MCF2L: variants seen among roughly 807,000 people sequenced by gnomAD.
MCF2L encodes guanine nucleotide exchange factor DBS.
A neutral mutation model predicts 153.4 loss-of-function variants in MCF2L; 97 were observed. The observed-to-expected ratio is 0.63, with a 90% CI of 0.54 to 0.75. The LOEUF (loss-of-function observed/expected upper bound fraction) is 0.75, where lower values mean the gene tolerates loss of function less well. Ranked by LOEUF, MCF2L falls within the 30% of genes least tolerant of loss-of-function variation. The pLI, the probability that MCF2L is intolerant of heterozygous loss-of-function variation, is 0.00. For synonymous variants in MCF2L, 659 were observed against 632.2 expected, an observed-to-expected ratio of 1.04 and a Z score of -0.64; for missense variants, 1,347 against 1,495.2, an observed-to-expected ratio of 0.90 and a Z score of 1.64.
chr13:112,897,999 G>C (rs1010040403), intron 1 of MCF2L, among the ~76,000 whole-genome samples: 1 of 152,190 alleles, frequency 6.6e-6, no homozygotes, highest in Non-Finnish European at 1.5e-5. Flanking sequence ...CCCCGGCCCC[G>C]GCCCTGGGTC....
chr13:113,045,232 C>G lies in MCF2L; in HGVS notation c.279-39C>G. The stretch of plus-strand genomic sequence containing the variant: ...GATTTCGTGGGCAGCCGGCTTCCCA[C>G]CTGCACACATTAACGGCGGCGTCTC... On this transcript the variant is annotated intron_variant, in intron 3 of 29. Coordinates refer to ENST00000535094, the MANE Select transcript of MCF2L (RefSeq NM_001112732.3). The surrounding 1 kb of genome is among the most constrained non-coding windows in gnomAD (Gnocchi z 4.2). The G allele has an allele frequency of 6.6e-7, 1 of 1,522,238 alleles. No homozygotes were observed. The highest frequency in any genetic ancestry group is 9.1e-7 in the Non-Finnish European group (1 of 1,096,410). The allele number at this position is 1,522,238 out of a possible 1,614,324, so 94.3% of individuals were successfully genotyped here. A position where few individuals can be genotyped will look rare whatever the true frequency, so the allele number is the denominator to read the frequency against.
At chr13:112,978,737 G>A (rs1200708487) in intron 1 of MCF2L, among the ~76,000 whole-genome samples, 1 of 152,252 alleles carries the variant, frequency 6.6e-6, no homozygotes, top group East Asian at 1.9e-4. Context: ...GGCACATGTG[G>A]TGCTCCAGAC....
chr13:112,909,218 C>T, intron 2 of MCF2L: 1 of 779,740 alleles, frequency 1.3e-6, no homozygotes, highest in East Asian at 2.4e-5. Flanking sequence ...CAACCTCTCC[C>T]CAGATGTCTA....
At chr13:112,989,394 G>A (rs181855551) in intron 1 of MCF2L, among the ~76,000 whole-genome samples, 24 of 47,800 alleles carry the variant, frequency 5.0e-4, no homozygotes, top group South Asian at 2.6e-3. Flanking sequence ...AGGGGATGGA[G>A]CTACCACGCC....
chr13:113,047,504 A>G (rs1209606094), intron 4 of MCF2L, among the ~76,000 whole-genome samples: 3 of 152,230 alleles, frequency 2.0e-5, no homozygotes, highest in Non-Finnish European at 4.4e-5. Flanking sequence ...GGGTCCCACA[A>G]TGCTCCCAGC....
rs1165766456 is a variant in MCF2L, at chr13:113,031,922, TTACA to T, written c.278+7169_278+7172del. Among the ~76,000 whole-genome samples the T allele has an allele frequency of 2.0e-5, 3 of 151,854 alleles. No homozygotes were observed. The highest frequency in any genetic ancestry group is 4.8e-5 in the African/African-American group (2 of 41,360). On this transcript the variant is annotated intron_variant, in intron 3 of 29. Transcript: ENST00000535094. The surrounding 1 kb of genome is among the most constrained non-coding windows in gnomAD (Gnocchi z 5.5). Reference sequence around the variant, plus strand: ...CGCAGACACGCAGGCACTCATGCACTTACATACACAGATGTGCATGTGTATAACC... The same window carrying T: ...CGCAGACACGCAGGCACTCATGCACTTACACAGATGTGCATGTGTATAACC...
rs1185101338 is a variant in MCF2L at position 113,098,082 on chromosome 13, CATGTGTGTACAT to C, written c.*1230_*1241del. On this transcript the variant is annotated 3_prime_UTR_variant, in exon 30 of 30. Coordinates refer to ENST00000535094, the MANE Select transcript of MCF2L (RefSeq NM_001112732.3). Reference sequence around the variant, plus strand: ...GTTTTTGTATGTGTGCACCTCTGACCATGTGTGTACATATGTGTCTTGCTGGAAAGGACATAT... The same window carrying C: ...GTTTTTGTATGTGTGCACCTCTGACCATGTGTCTTGCTGGAAAGGACATAT... 1 of 152,432 alleles carries C rather than the reference CATGTGTGTACAT, an allele frequency of 6.6e-6. No individual in the cohort carries two copies. Among genetic ancestry groups the C allele is most frequent in the Non-Finnish European group, 1.5e-5 (1 of 68,052 alleles). The allele number at this position is 152,432 out of a possible 1,614,324, so 9.4% of individuals were successfully genotyped here.
At chr13:112,938,456 G>A (rs2081544715) in intron 2 of MCF2L, among the ~76,000 whole-genome samples, 1 of 152,168 alleles carries the variant, frequency 6.6e-6, no homozygotes, top group African/African-American at 2.4e-5. Flanking sequence ...CATAGGCCCA[G>A]TTGGGCACTC....
At chr13:112,939,868 G>A (rs1474411049) in intron 2 of MCF2L, among the ~76,000 whole-genome samples, 1 of 152,078 alleles carries the variant, frequency 6.6e-6, no homozygotes, top group Admixed American at 6.5e-5. Context: ...TACGTGGGAG[G>A]CTGAGGCAGG....
At chr13:113,010,398 C>T (rs1232128696) in intron 1 of MCF2L, 1 of 152,256 alleles carries the variant, frequency 6.6e-6, no homozygotes, top group Non-Finnish European at 1.5e-5. Context: ...ACATGGTCCC[C>T]CTCCCTGGAC....
chr13:113,002,025 T>G (rs1318104487), intron 1 of MCF2L: 1 of 1,513,156 alleles, frequency 6.6e-7, no homozygotes, highest in Non-Finnish European at 8.8e-7. Flanking sequence ...CCGGAAGGTG[T>G]TGTGGGGCGA....
At chr13:113,040,412 C>CTGTGTGTGTGTGTGTGTGTGTGTG (rs6145252) in intron 3 of MCF2L, 5,842 of 140,116 alleles carry the variant, frequency 0.042, 204 homozygotes, top group Middle Eastern at 0.074. Flanking sequence ...GAGGGCCTTC[C>CTGTGTGTGTGTGTGTGTGTGTGTG]TGTGTGTGTG....
chr13:113,078,809 G>A, intron 15 of MCF2L, 70 bp downstream of exon 15: 2 of 1,364,278 alleles, frequency 1.5e-6, no homozygotes, highest in Non-Finnish European at 2.0e-6. Flanking sequence ...ATGCCGTCAG[G>A]CACTCGAGCA....
rs1031372011 is a variant in MCF2L at position 112,923,415 on chromosome 13, C to T, written c.169+21044C>T. On this transcript the variant is annotated intron_variant, in intron 2 of 29. Transcript: ENST00000375608. The stretch of plus-strand genomic sequence containing the variant: ...AGTAGCTGGGACTACAGGCGCCCGC[C>T]ACCACGCCTGGCTAATTTTTTTGTA... Among the ~76,000 whole-genome samples, 3 of 151,872 alleles carry T rather than the reference C, an allele frequency of 2.0e-5. No homozygotes were observed. In the East Asian group the frequency reaches 5.8e-4, roughly 29 times the overall value.
intron 1 of MCF2L, chr13:113,001,586 T>C: frequency 1.2e-6 from 1 of 810,314 alleles, no homozygotes; most frequent in Non-Finnish European, 1.6e-6. Context: ...GTGGGGCCCC[T>C]GCAGGGAGGG....
Position 112,960,424 on chromosome 13 carries a change from T to C in MCF2L, c.170-54339T>C, listed in dbSNP as rs1483544731. ...GGGTGAGGTTTCCCACACACGACCTTTGGGGGACACATTAAACCCCAGCAG... is the reference window on the plus strand; with the variant it reads ...GGGTGAGGTTTCCCACACACGACCTCTGGGGGACACATTAAACCCCAGCAG... On this transcript the variant is annotated intron_variant, in intron 2 of 29. Transcript: ENST00000375608. The surrounding 1 kb of genome is among the most constrained non-coding windows in gnomAD (Gnocchi z 4.2). Among the ~76,000 whole-genome samples, 1 of 152,070 alleles carries C rather than the reference T, an allele frequency of 6.6e-6. No individual in the cohort carries two copies. The highest frequency in any genetic ancestry group is 1.5e-5 in the Non-Finnish European group (1 of 68,018).
chr13:113,087,754 G>A lies in MCF2L; in HGVS notation c.2643G>A (p.Lys881=). 1 of 1,614,148 alleles carries A rather than the reference G, an allele frequency of 6.2e-7. No homozygotes were observed. The highest frequency in any genetic ancestry group is 8.5e-7 in the Non-Finnish European group (1 of 1,180,046). Reference sequence around the variant, plus strand: ...AGAACGTGAAGGGAGATGCTAAGAAGTTCGAGATCTGGTACAACGCGCGCG... The same window carrying A: ...AGAACGTGAAGGGAGATGCTAAGAAATTCGAGATCTGGTACAACGCGCGCG... The part of the protein sequence containing the change: ...ITENVKGDAK[K]FEIWYNAREE... The change falls in exon 23 of 30, where the codon AAG becomes AAA. Residue 881 remains lysine, a synonymous_variant. Coordinates refer to ENST00000535094, the MANE Select transcript of MCF2L (RefSeq NM_001112732.3).
intron 24 of MCF2L, 51 bp downstream of exon 24, chr13:113,088,456 T>A (rs754645408): frequency 1.9e-6 from 3 of 1,608,452 alleles, no homozygotes; most frequent in Non-Finnish European, 2.6e-6. Flanking sequence ...TCCAGGTGCA[T>A]TTTTACCTAT....
Position 112,969,223 on chromosome 13 carries a change from A to G in MCF2L, c.-157A>G, listed in dbSNP as rs1594404715. 14 of 1,287,420 alleles carry G rather than the reference A, an allele frequency of 1.1e-5. No homozygotes were observed. The South Asian group carries it at 3.0e-4, about 27-fold the overall frequency. 79.7% of individuals were successfully genotyped at this position (1,287,420 alleles called of 1,614,324 possible). ...CCCCCCTCCCGGTGGCGCGGAACCAATCCTGGGCAGGGAGGCGGCGGCTGG... is the reference window on the plus strand; with the variant it reads ...CCCCCCTCCCGGTGGCGCGGAACCAGTCCTGGGCAGGGAGGCGGCGGCTGG... On this transcript the variant is annotated 5_prime_UTR_variant, in exon 1 of 30. Transcript: ENST00000535094. This position sits in a 1 kb window ranked among gnomAD's most constrained non-coding sequence, Gnocchi z 4.8.
Sources: gnomAD v4.1 joint callset for allele counts (sites outside exome capture counted in the v4.1 genomes callset) on GRCh38, gnomAD v4.1.1 for gene constraint, Gnocchi (gnomAD v3.1) non-coding constraint, MANE v1.5 for transcripts, NCBI Gene and HGNC (gene_info 2026-07-23, HGNC 2026-07-21) for gene names.